SEMA3C: variants seen among roughly 807,000 people sequenced by gnomAD.
The protein encoded by SEMA3C is semaphorin-3C.
A neutral mutation model predicts 89.4 loss-of-function variants in SEMA3C; 47 were observed. The ratio of observed to expected loss-of-function variants is 0.53; its 90% CI spans 0.42 to 0.67. The LOEUF (loss-of-function observed/expected upper bound fraction) is 0.67. SEMA3C is among the 30% of genes least tolerant of loss of function. The pLI is 0.00. For synonymous variants in SEMA3C, 310 were observed against 320.2 expected, an observed-to-expected ratio of 0.97 and a Z score of 0.34; for missense variants, 839 against 929.1, an observed-to-expected ratio of 0.90 and a Z score of 1.26.
chr7:80,747,054 A>G (rs577848985), intron 17 of SEMA3C, among the ~76,000 whole-genome samples: 8 of 152,220 alleles, frequency 5.3e-5, no homozygotes, highest in African/African-American at 1.7e-4. Context: ...AAGGATCAGA[A>G]TAAGTTTAGT....
intron 12 of SEMA3C, among the ~76,000 whole-genome samples, chr7:80,780,599 A>G (rs896491707): frequency 1.9e-4 from 29 of 152,314 alleles, no homozygotes; most frequent in African/African-American, 6.7e-4. Flanking sequence ...AACACACATT[A>G]AAGGCCAGGT....
intron 2 of SEMA3C, among the ~76,000 whole-genome samples, chr7:80,870,109 T>C (rs1367675661): frequency 1.3e-5 from 2 of 152,294 alleles, no homozygotes; most frequent in African/African-American, 4.8e-5. Flanking sequence ...TCTCATCTTA[T>C]GTTTCCACTG....
At chr7:80,907,433 G>A (rs1409749906) in intron 2 of SEMA3C, among the ~76,000 whole-genome samples, 1 of 152,008 alleles carries the variant, frequency 6.6e-6, no homozygotes, top group African/African-American at 2.4e-5. Context: ...CCTGCTTAAT[G>A]TTCTGGTCTC....
In SEMA3C at chr7:80,751,318, A is replaced by G; in HGVS notation, c.1662T>C (p.Asp554=). The G allele has an allele frequency of 6.2e-7, 1 of 1,613,998 alleles. No homozygotes were observed. The highest frequency in any genetic ancestry group is 1.6e-4 in the Middle Eastern group (1 of 6,062). Residue 554 remains aspartate, a synonymous_variant, in exon 16 of 18, where the codon GAT becomes GAC. Coordinates refer to ENST00000265361, the MANE Select transcript of SEMA3C (RefSeq NM_006379.5). ...PTGKRRSRRQ[D]VRHGNPLTQC... is the part of the protein sequence containing the mutation. ...GAGTCAGTGGGTTTCCATGTCTCAC[A>G]TCTTGTCTTCGGCTCCTCCTGCAAG...
At chr7:80,866,837 T>C (rs1250757980) in intron 2 of SEMA3C, among the ~76,000 whole-genome samples, 7 of 152,184 alleles carry the variant, frequency 4.6e-5, no homozygotes, top group African/African-American at 1.7e-4. Context: ...ATTAAGAATA[T>C]AAGCTTCCCA....
chr7:80,834,625 G>A (rs1374104902), intron 2 of SEMA3C, among the ~76,000 whole-genome samples: 3 of 152,032 alleles, frequency 2.0e-5, no homozygotes, highest in East Asian at 1.9e-4. Context: ...ACTAAGTCAC[G>A]AAGAATCTCA....
At chr7:80,761,972 C>A (rs1788194324) in intron 13 of SEMA3C, among the ~76,000 whole-genome samples, 1 of 151,332 alleles carries the variant, frequency 6.6e-6, no homozygotes, top group South Asian at 2.1e-4. Context: ...ACCTGTAATC[C>A]CAGCTACTCA....
At chr7:80,886,654 T>C (rs1018538093) in intron 2 of SEMA3C, among the ~76,000 whole-genome samples, 1 of 152,106 alleles carries the variant, frequency 6.6e-6, no homozygotes, top group Admixed American at 6.6e-5. Context: ...GCCCAGCCAG[T>C]TAAACTTCTT....
chr7:80,837,184 T>C (rs944669456), intron 2 of SEMA3C, among the ~76,000 whole-genome samples: 2 of 152,210 alleles, frequency 1.3e-5, no homozygotes, highest in Non-Finnish European at 2.9e-5. Flanking sequence ...CAGAATCATC[T>C]ATTTCACAAA....
intron 2 of SEMA3C, among the ~76,000 whole-genome samples, chr7:80,892,735 GCT>G (rs1035691664): frequency 2.0e-5 from 3 of 152,082 alleles, no homozygotes; most frequent in Non-Finnish European, 2.9e-5. Context: ...TAAGTATTTT[GCT>G]CTTTGTCTAC....
chr7:80,908,775 T>A (rs910846958), intron 2 of SEMA3C, among the ~76,000 whole-genome samples: 3 of 152,138 alleles, frequency 2.0e-5, no homozygotes, highest in Admixed American at 6.6e-5. Flanking sequence ...TCACCAGAGT[T>A]TCTTGTCCTG....
At chr7:80,750,348 C>G (rs985315101) in intron 16 of SEMA3C, among the ~76,000 whole-genome samples, 1 of 150,156 alleles carries the variant, frequency 6.7e-6, no homozygotes, top group Non-Finnish European at 1.5e-5. Context: ...GCAGGATTCT[C>G]ACTATATCCA....
intron 2 of SEMA3C, chr7:80,905,988 G>T: frequency 1.1e-6 from 1 of 893,008 alleles, no homozygotes. Flanking sequence ...AAACCTCTTT[G>T]TAAGGAAGCT....
chr7:80,859,552 A>G (rs1177737609), intron 2 of SEMA3C, among the ~76,000 whole-genome samples: 1 of 152,234 alleles, frequency 6.6e-6, no homozygotes, highest in Non-Finnish European at 1.5e-5. Context: ...CTTCGAGACA[A>G]CTGCATAAAC....
chr7:80,897,856 G>A (rs1463615714), intron 2 of SEMA3C, among the ~76,000 whole-genome samples: 3 of 152,072 alleles, frequency 2.0e-5, no homozygotes, highest in Non-Finnish European at 4.4e-5. Flanking sequence ...ATAGAAAAAT[G>A]GATCCTAAAT....
At chr7:80,817,040 T>C (rs1789624793) in intron 5 of SEMA3C, among the ~76,000 whole-genome samples, 1 of 152,216 alleles carries the variant, frequency 6.6e-6, no homozygotes, top group Non-Finnish European at 1.5e-5. Flanking sequence ...CTTAATCAAT[T>C]GATCACAGGC....
chr7:80,854,012 CAA>C (rs960650467), intron 2 of SEMA3C, among the ~76,000 whole-genome samples: 3 of 150,786 alleles, frequency 2.0e-5, no homozygotes, highest in Admixed American at 6.6e-5. Flanking sequence ...AAAAAAGAAA[CAA>C]AGTTATTGTT....
At chr7:80,859,550 C>A (rs950469783) in intron 2 of SEMA3C, among the ~76,000 whole-genome samples, 10 of 152,104 alleles carry the variant, frequency 6.6e-5, no homozygotes, top group South Asian at 2.1e-4. Flanking sequence ...CACTTCGAGA[C>A]AACTGCATAA....
intron 2 of SEMA3C, among the ~76,000 whole-genome samples, chr7:80,878,778 G>A (rs184838402): frequency 1.3e-5 from 2 of 152,140 alleles, no homozygotes; most frequent in Non-Finnish European, 2.9e-5. Context: ...TAAAGATAGT[G>A]ATGGAAGCCT....
Sources: allele counts gnomAD v4.1 joint callset (sites outside exome capture counted in the v4.1 genomes callset), GRCh38; gene constraint gnomAD v4.1.1; transcripts MANE v1.5; gene names NCBI Gene and HGNC (gene_info 2026-07-23, HGNC 2026-07-21).